The following GALNT13 variants were observed in gnomAD, a reference collection of about 807,000 sequenced individuals.
GALNT13 encodes the protein polypeptide N-acetylgalactosaminyltransferase 13.
A neutral mutation model predicts 64.2 loss-of-function variants in GALNT13; 28 were observed. The ratio of observed to expected loss-of-function variants is 0.44; its 90% CI spans 0.32 to 0.60. The LOEUF is 0.60. Ranked by LOEUF, GALNT13 falls within the 20% of genes least tolerant of loss-of-function variation. GALNT13 has a pLI of 0.05. For synonymous variants in GALNT13, 214 were observed against 224.6 expected, an observed-to-expected ratio of 0.95 and a Z score of 0.42; for missense variants, 577 against 669.8, an observed-to-expected ratio of 0.86 and a Z score of 1.53.
the GALNT13 span, among the ~76,000 whole-genome samples, chr2:153,613,147 G>A: frequency 6.6e-6 from 1 of 152,126 alleles, no homozygotes; most frequent in Non-Finnish European, 1.5e-5. Flanking sequence ...CAGACAGGGA[G>A]ATACTTGTGG....
chr2:153,905,785 T>C (rs1688520051), intron 2 of GALNT13, among the ~76,000 whole-genome samples: 1 of 152,054 alleles, frequency 6.6e-6, no homozygotes, highest in African/African-American at 2.4e-5. Flanking sequence ...TGGCTTCTCT[T>C]TGGCATATTC....
intron 3 of GALNT13, among the ~76,000 whole-genome samples, chr2:154,113,188 T>G (rs1348661678): frequency 6.7e-6 from 1 of 150,228 alleles, no homozygotes; most frequent in East Asian, 2.0e-4. Context: ...GGCCTTGCTC[T>G]AAAATCCTAG....
intron 3 of GALNT13, among the ~76,000 whole-genome samples, chr2:154,014,911 C>T (rs1696902831): frequency 6.6e-6 from 1 of 152,050 alleles, no homozygotes; most frequent in Non-Finnish European, 1.5e-5. Context: ...GATTTATAGG[C>T]GTGAGCCACC....
chr2:153,790,556 A>G, the GALNT13 span, among the ~76,000 whole-genome samples: 1 of 152,100 alleles, frequency 6.6e-6, no homozygotes, highest in African/African-American at 2.4e-5. Flanking sequence ...CATGGATGCC[A>G]TCTCTCACCA....
At chr2:153,603,611 A>G in the GALNT13 span, among the ~76,000 whole-genome samples, 1 of 151,972 alleles carries the variant, frequency 6.6e-6, no homozygotes, top group Non-Finnish European at 1.5e-5. Context: ...TAAAGGTACT[A>G]TAGACTTTGC....
At chr2:154,155,340 A>G (rs943700210) in intron 4 of GALNT13, among the ~76,000 whole-genome samples, 1 of 152,084 alleles carries the variant, frequency 6.6e-6, no homozygotes, top group Non-Finnish European at 1.5e-5. Context: ...GAAGAAATCT[A>G]ATTTAAAAAG....
chr2:153,242,107 A>T, the GALNT13 span, among the ~76,000 whole-genome samples: 2 of 152,188 alleles, frequency 1.3e-5, no homozygotes, highest in Non-Finnish European at 2.9e-5. Flanking sequence ...AAGCCTTTGC[A>T]AGCTTGAAAC....
the GALNT13 span, among the ~76,000 whole-genome samples, chr2:153,100,555 C>CT: frequency 1.3e-5 from 2 of 152,256 alleles, no homozygotes; most frequent in Non-Finnish European, 2.9e-5. Context: ...GCTTACGGCT[C>CT]TTGTAGGATT....
chr2:153,413,621 C>G, the GALNT13 span, among the ~76,000 whole-genome samples: 1 of 152,150 alleles, frequency 6.6e-6, no homozygotes, highest in Non-Finnish European at 1.5e-5. Flanking sequence ...CTATTGAGTC[C>G]ATGTAAAATA....
At chr2:154,106,642 A>T (rs1216011772) in intron 3 of GALNT13, among the ~76,000 whole-genome samples, 3 of 151,912 alleles carry the variant, frequency 2.0e-5, no homozygotes, top group African/African-American at 7.2e-5. Flanking sequence ...TGATTATTAT[A>T]GAAGTCAGGT....
At chr2:153,367,846 G>T in the GALNT13 span, among the ~76,000 whole-genome samples, 2 of 151,738 alleles carry the variant, frequency 1.3e-5, no homozygotes, top group African/African-American at 4.8e-5. Context: ...AGAGAAAAAG[G>T]AATCATTAAA....
chr2:154,283,934 T>C (rs1487229771), intron 8 of GALNT13, among the ~76,000 whole-genome samples: 4 of 152,200 alleles, frequency 2.6e-5, no homozygotes, highest in Non-Finnish European at 5.9e-5. Flanking sequence ...CTGTGCCTGA[T>C]AGGGAGGACA....
At chr2:154,424,306 C>G (rs916250873) in intron 11 of GALNT13, among the ~76,000 whole-genome samples, 1 of 152,110 alleles carries the variant, frequency 6.6e-6, no homozygotes, top group Non-Finnish European at 1.5e-5. Flanking sequence ...ACTGGCTCTC[C>G]CACTTGCAAA....
intron 2 of GALNT13, among the ~76,000 whole-genome samples, chr2:153,915,570 C>T (rs1177321886): frequency 6.6e-6 from 1 of 152,086 alleles, no homozygotes; most frequent in African/African-American, 2.4e-5. Flanking sequence ...GGCTGTTACC[C>T]TCTGAAATTT....
intron 4 of GALNT13, among the ~76,000 whole-genome samples, chr2:154,234,120 T>C (rs1321112877): frequency 6.6e-6 from 1 of 152,138 alleles, no homozygotes; most frequent in East Asian, 1.9e-4. Flanking sequence ...GATCTATTAC[T>C]GAAATTTTTT....
At chr2:154,012,587 T>G (rs1249636763) in intron 3 of GALNT13, among the ~76,000 whole-genome samples, 3 of 152,132 alleles carry the variant, frequency 2.0e-5, no homozygotes, top group Admixed American at 6.5e-5. Context: ...GTTCTCTGTA[T>G]TTTTTGAACA....
intron 3 of GALNT13, among the ~76,000 whole-genome samples, chr2:153,976,287 T>C (rs1694073772): frequency 6.6e-6 from 1 of 152,130 alleles, no homozygotes; most frequent in African/African-American, 2.4e-5. Context: ...TCAATCTGCT[T>C]TACAATGTAA....
At chr2:153,958,096 G>A (rs1692700608) in intron 3 of GALNT13, among the ~76,000 whole-genome samples, 1 of 152,196 alleles carries the variant, frequency 6.6e-6, no homozygotes, top group Non-Finnish European at 1.5e-5. Flanking sequence ...CTGACTCCTG[G>A]TGGTACTGGT....
chr2:153,847,680 G>A, the GALNT13 span, among the ~76,000 whole-genome samples: 4 of 152,048 alleles, frequency 2.6e-5, no homozygotes, highest in African/African-American at 9.7e-5. Flanking sequence ...GAGTTAAGTG[G>A]TAATAAAAAT....
Sources: gnomAD v4.1 joint callset for allele counts (sites outside exome capture counted in the v4.1 genomes callset) on GRCh38, gnomAD v4.1.1 for gene constraint, MANE v1.5 for transcripts, NCBI Gene and HGNC (gene_info 2026-07-23, HGNC 2026-07-21) for gene names.